Variants in TSTD2 observed in about 807,000 individuals in gnomAD.
The protein encoded by TSTD2 is thiosulfate sulfurtransferase like domain containing 2, also known as thiosulfate sulfurtransferase/rhodanese-like domain-containing protein 2.
TSTD2 carries 37 observed loss-of-function variants against 47.9 expected under a neutral mutation model. The observed-to-expected ratio is 0.77, with a 90% CI of 0.59 to 1.02. TSTD2 has a LOEUF of 1.02. Among genes scored for constraint, TSTD2 ranks in the 50% least tolerant of loss-of-function variants. The pLI, the probability that TSTD2 is intolerant of heterozygous loss-of-function variation, is 0.00. For synonymous variants in TSTD2, 201 were observed against 215.9 expected (o/e 0.93, Z 0.61); for missense variants, 586 against 616.0 (o/e 0.95, Z 0.52).
chr9:97,609,929 A>G (rs757355853), intron 6 of TSTD2, among the ~76,000 whole-genome samples: 10 of 152,256 alleles, frequency 6.6e-5, no homozygotes, highest in Non-Finnish European at 1.3e-4. Flanking sequence ...TCTTTCAACC[A>G]TTTACCATGG....
intron 4 of TSTD2, among the ~76,000 whole-genome samples, chr9:97,614,029 C>T (rs1376413182): frequency 2.6e-5 from 4 of 152,002 alleles, no homozygotes; most frequent in Non-Finnish European, 5.9e-5. Context: ...GGGGTTTCAC[C>T]GTGTTAGCCA....
chr9:97,606,210 G>A lies in TSTD2; in HGVS notation c.887C>T (p.Ser296Phe). The change falls in exon 7 of 10, where the codon TCT (serine) becomes TTT (phenylalanine). Residue 296 changes from serine (S) to phenylalanine (F), a missense_variant. By Grantham distance (155) the Ser-to-Phe change is radical. Coordinates refer to ENST00000341170, the MANE Select transcript of TSTD2 (RefSeq NM_139246.5). ...EFHKEVEKFL[S>F]QANQEQSDTI... ...ATCACTTTGTTCTTGATTTGCCTGA[G>A]ATAAAAACTTTTCTACTTCTTTATG... 6.2e-7 allele frequency: 1 copy of A among 1,612,216 alleles called. No individual in the cohort carries two copies. Among genetic ancestry groups the A allele is most frequent in the South Asian group, 1.1e-5 (1 of 90,876 alleles).
intron 1 of TSTD2, among the ~76,000 whole-genome samples, chr9:97,631,498 T>A (rs917354656): frequency 1.3e-5 from 2 of 152,140 alleles, no homozygotes; most frequent in African/African-American, 4.8e-5. Flanking sequence ...CAAGCTACTA[T>A]CATTTGCAGC....
chr9:97,614,778 T>C (rs1256029160), intron 4 of TSTD2, among the ~76,000 whole-genome samples: 2 of 152,196 alleles, frequency 1.3e-5, no homozygotes, highest in African/African-American at 2.4e-5. Context: ...TATAGTACTG[T>C]AAAATGTTTT....
chr9:97,624,388 C>A (rs941569967), intron 3 of TSTD2, among the ~76,000 whole-genome samples: 3 of 152,082 alleles, frequency 2.0e-5, no homozygotes, highest in South Asian at 2.1e-4. Flanking sequence ...AAGCCTGCCA[C>A]CAACCACATG....
At chr9:97,603,632 G>T (rs1826311022) in intron 9 of TSTD2, among the ~76,000 whole-genome samples, 1 of 152,196 alleles carries the variant, frequency 6.6e-6, no homozygotes, top group African/African-American at 2.4e-5. Flanking sequence ...TCCACAGAGA[G>T]CTATGAGTTC....
intron 6 of TSTD2, 92 bp from the exon 7 acceptor site, chr9:97,606,353 GTTTC>G: frequency 2.9e-6 from 2 of 698,126 alleles, no homozygotes; most frequent in East Asian, 5.1e-5. Flanking sequence ...GTGTTGCTTT[GTTTC>G]TTTCCACCCA....
In TSTD2 at chr9:97,610,357, T is replaced by C. The variant is rs1554688683; in HGVS notation, c.824A>G (p.Tyr275Cys). The C allele has an allele frequency of 6.2e-7, 1 of 1,604,462 alleles. No individual in the cohort carries two copies. The highest frequency in any genetic ancestry group is 8.5e-7 in the Non-Finnish European group (1 of 1,176,300). The change falls in exon 6 of 10, where the codon TAC (tyrosine) becomes TGC (cysteine). Residue 275 changes from tyrosine (Y) to cysteine (C), a missense_variant. By Grantham distance (194) the Tyr-to-Cys change is radical. Transcript: ENST00000341170. ...AAAAGCAAGCATACCAGGCTTCTTG[T>C]AGGAGATCTTTTTGGGGCTGATCCC... ...PMGISPKKIS[Y>C]KKPGIHLSPG...
At position 97,601,792 on chromosome 9, in the gene TSTD2, A is replaced by C; in HGVS notation, c.*677T>G. On this transcript the variant is annotated 3_prime_UTR_variant, in exon 10 of 10. Coordinates refer to ENST00000341170, the MANE Select transcript of TSTD2 (RefSeq NM_139246.5). Reference sequence around the variant, plus strand: ...CTGCACTTATATATGGATTTTTTTCAACCATACAGGTTGAAAATACAGTAT... The same window carrying C: ...CTGCACTTATATATGGATTTTTTTCCACCATACAGGTTGAAAATACAGTAT... 1 of 166,518 alleles carries C rather than the reference A, an allele frequency of 6.0e-6. No individual in the cohort carries two copies. The allele number at this position is 166,518 out of a possible 1,614,324, so 10.3% of individuals were successfully genotyped here. A position where few individuals can be genotyped will look rare whatever the true frequency, so the allele number is the denominator to read the frequency against.
At chr9:97,624,858 A>G (rs1385165022) in intron 3 of TSTD2, among the ~76,000 whole-genome samples, 5 of 152,190 alleles carry the variant, frequency 3.3e-5, no homozygotes, top group Non-Finnish European at 7.3e-5. Flanking sequence ...AACCTAGTAA[A>G]TGATGCATTT....
chr9:97,605,368 G>T, intron 8 of TSTD2, 115 bp downstream of exon 8: 2 of 1,324,258 alleles, frequency 1.5e-6, no homozygotes, highest in Non-Finnish European at 2.1e-6. Context: ...GTGAAGGCAT[G>T]CTTTGGCTGC....
intron 3 of TSTD2, among the ~76,000 whole-genome samples, chr9:97,622,036 CTCTT>C (rs1379395638): frequency 2.0e-5 from 3 of 152,078 alleles, no homozygotes; most frequent in Non-Finnish European, 4.4e-5. Flanking sequence ...CTGTTTTGTA[CTCTT>C]TCTCTTTATT....
intron 1 of TSTD2, 124 bp downstream of exon 1, chr9:97,633,119 G>A (rs959891127): frequency 6.5e-6 from 1 of 153,700 alleles, no homozygotes; most frequent in Non-Finnish European, 1.4e-5. Context: ...CCATACCAAG[G>A]GGCGGCACGT....
chr9:97,621,292 A>C (rs9942963), intron 3 of TSTD2, among the ~76,000 whole-genome samples: 492 of 152,278 alleles, frequency 3.2e-3, no homozygotes, highest in African/African-American at 0.011. Context: ...CGTCATCTTC[A>C]TAAGCTGAGG....
Position 97,617,822 on chromosome 9 carries a change from C to G in TSTD2, c.538G>C (p.Glu180Gln), listed in dbSNP as rs376803024. Residue 180 changes from glutamate (E) to glutamine (Q), a missense_variant, in exon 4 of 10, where the codon GAG becomes CAG. By Grantham distance (29) the Glu-to-Gln change is conservative. Coordinates refer to ENST00000341170, the MANE Select transcript of TSTD2 (RefSeq NM_139246.5). The stretch of plus-strand genomic sequence containing the variant: ...CAGGCACAGATCCATTGGGGATCCT[C>G]CAGGTCATGGTAGCAGTAATAAAGG... ...VLLYYCYHDL[E>Q]DPQWICAWQT... The G allele has an allele frequency of 3.4e-5, 55 of 1,614,024 alleles. No individual in the cohort carries two copies. Among genetic ancestry groups the G allele is most frequent in the Admixed American group, 5.0e-5 (3 of 59,996 alleles).
rs750388352 is a variant in TSTD2 at position 97,610,391 on chromosome 9, C to A, written c.790G>T (p.Val264Leu). ...ELRVGVFEEI[V>L]PMGISPKKIS... ...TTTTTGGGGCTGATCCCCATGGGCA[C>A]GATTTCTTCAAATACACCAACACGC... Residue 264 changes from valine (V) to leucine (L), a missense_variant, in exon 6 of 10, where the codon GTG (valine) becomes TTG (leucine). Physicochemically the swap from Val to Leu is conservative, Grantham distance 32. Coordinates refer to ENST00000341170, the MANE Select transcript of TSTD2 (RefSeq NM_139246.5). 11 of 1,600,812 alleles carry A rather than the reference C, an allele frequency of 6.9e-6. No individual in the cohort carries two copies. The highest frequency in any genetic ancestry group is 4.6e-5 in the East Asian group (2 of 43,678).
intron 3 of TSTD2, 112 bp downstream of exon 3, chr9:97,625,569 T>G (rs914009038): frequency 9.8e-7 from 1 of 1,018,364 alleles, no homozygotes; most frequent in Non-Finnish European, 1.4e-6. Flanking sequence ...CATTTCACAT[T>G]TGACACAGTT....
chr9:97,605,130 C>T (rs1324909697), intron 8 of TSTD2, among the ~76,000 whole-genome samples: 1 of 152,176 alleles, frequency 6.6e-6, no homozygotes, highest in Non-Finnish European at 1.5e-5. Context: ...GGAAGCCCAA[C>T]TATTTTTGCT....
At chr9:97,618,948 T>G (rs940491681) in intron 3 of TSTD2, among the ~76,000 whole-genome samples, 2 of 152,228 alleles carry the variant, frequency 1.3e-5, no homozygotes, top group Non-Finnish European at 2.9e-5. Context: ...GATAATTATG[T>G]AACCCGTTAT....
Sources: allele counts gnomAD v4.1 joint callset (sites outside exome capture counted in the v4.1 genomes callset), GRCh38; gene constraint gnomAD v4.1.1; transcripts MANE v1.5; gene names NCBI Gene and HGNC (gene_info 2026-07-23, HGNC 2026-07-21).